The following CREB5 variants were observed in gnomAD, a reference collection of about 807,000 sequenced individuals.
CREB5 encodes cAMP responsive element binding protein 5, also known as cyclic AMP-responsive element-binding protein 5.
In CREB5, 19 loss-of-function variants were observed where a neutral mutation model predicts 57.1. The ratio of observed to expected loss-of-function variants is 0.33; its 90% CI spans 0.23 to 0.49. CREB5 has a LOEUF of 0.49. CREB5 is among the 20% of genes least tolerant of loss of function. The pLI, the probability that CREB5 is intolerant of heterozygous loss-of-function variation, is 0.99. For synonymous variants in CREB5, 238 were observed against 238.3 expected (o/e 1.00, Z 0.01); for missense variants, 579 against 671.6 (o/e 0.86, Z 1.52).
At chr7:28,633,387 G>A (rs575095420) in intron 5 of CREB5, among the ~76,000 whole-genome samples, 1 of 152,188 alleles carries the variant, frequency 6.6e-6, no homozygotes, top group South Asian at 2.1e-4. Flanking sequence ...GTGTGTGTGT[G>A]TGTGTCTGTG....
At chr7:28,799,485 A>G (rs973484280) in intron 7 of CREB5, among the ~76,000 whole-genome samples, 1 of 152,246 alleles carries the variant, frequency 6.6e-6, no homozygotes, top group Non-Finnish European at 1.5e-5. Context: ...TGGCCTTAAC[A>G]GTGCAAGAAT....
At chr7:28,401,388 T>A (rs1787459479) in intron 1 of CREB5, among the ~76,000 whole-genome samples, 1 of 118,108 alleles carries the variant, frequency 8.5e-6, no homozygotes, top group Non-Finnish European at 1.7e-5. Context: ...CTATTGTTAT[T>A]TTTTTTTTAA....
intron 1 of CREB5, among the ~76,000 whole-genome samples, chr7:28,435,950 G>A (rs902992701): frequency 6.6e-6 from 1 of 152,120 alleles, no homozygotes; most frequent in Admixed American, 6.5e-5. Flanking sequence ...AGCGACCTGG[G>A]TGTAACATTT....
intron 1 of CREB5, among the ~76,000 whole-genome samples, chr7:28,454,315 TGC>T: frequency 6.6e-6 from 1 of 152,280 alleles, no homozygotes; most frequent in African/African-American, 2.4e-5. Flanking sequence ...CTGTCCAACA[TGC>T]CCTCCTCTTC....
chr7:28,740,387 G>C (rs1804264544), intron 7 of CREB5, among the ~76,000 whole-genome samples: 1 of 152,234 alleles, frequency 6.6e-6, no homozygotes, highest in African/African-American at 2.4e-5. Context: ...CCTCTGCTGG[G>C]AGTGTCTGCG....
chr7:28,563,571 G>C (rs1300184538), intron 4 of CREB5, among the ~76,000 whole-genome samples: 1 of 152,170 alleles, frequency 6.6e-6, no homozygotes, highest in African/African-American at 2.4e-5. Flanking sequence ...TGTCACCCAG[G>C]CTGGAGTGCA....
intron 4 of CREB5, among the ~76,000 whole-genome samples, chr7:28,545,453 A>G (rs983868541): frequency 5.3e-5 from 8 of 152,110 alleles, no homozygotes; most frequent in African/African-American, 1.9e-4. Flanking sequence ...CTTTTCACCT[A>G]GTTATTACAT....
intron 7 of CREB5, among the ~76,000 whole-genome samples, chr7:28,794,345 T>A (rs1807903134): frequency 6.6e-6 from 1 of 152,222 alleles, no homozygotes; most frequent in Non-Finnish European, 1.5e-5. Context: ...AAGCGTTCTT[T>A]CTATAAAGAA....
At chr7:28,302,705 T>C (rs909803567) in intron 1 of CREB5, among the ~76,000 whole-genome samples, 6 of 152,084 alleles carry the variant, frequency 3.9e-5, no homozygotes, top group African/African-American at 7.2e-5. Flanking sequence ...GCTTTCACCT[T>C]CCATGGAGAG....
At chr7:28,701,965 T>C (rs1391731019) in intron 5 of CREB5, among the ~76,000 whole-genome samples, 1 of 152,250 alleles carries the variant, frequency 6.6e-6, no homozygotes, top group Non-Finnish European at 1.5e-5. Flanking sequence ...AAGTTTGCTG[T>C]AGACAGTCAT....
chr7:28,681,721 T>G (rs1197962587), intron 5 of CREB5, among the ~76,000 whole-genome samples: 1 of 152,102 alleles, frequency 6.6e-6, no homozygotes, highest in Non-Finnish European at 1.5e-5. Context: ...GAGCACAGAG[T>G]AATGGCCACC....
intron 1 of CREB5, among the ~76,000 whole-genome samples, chr7:28,436,978 C>T (rs1020723012): frequency 5.9e-5 from 9 of 152,036 alleles, no homozygotes; most frequent in African/African-American, 2.2e-4. Context: ...CTCTACTTTC[C>T]CCAGGTTTCA....
intron 5 of CREB5, among the ~76,000 whole-genome samples, chr7:28,675,054 T>C (rs1324972552): frequency 6.6e-6 from 1 of 152,252 alleles, no homozygotes; most frequent in African/African-American, 2.4e-5. Flanking sequence ...ACCTCTTCCC[T>C]GTAGCCATAT....
At chr7:28,561,001 TGTGCGTGTGTGTGTGCGTGTGTGC>T (rs1795238402) in intron 4 of CREB5, among the ~76,000 whole-genome samples, 1 of 25,260 alleles carries the variant, frequency 4.0e-5, no homozygotes, top group Non-Finnish European at 9.1e-5. Flanking sequence ...TGTGCCTGCG[TGTGCGTGTGTGTGTGCGTGTGTGC>T]GTGTGTGTGT....
chr7:28,406,358 A>T (rs1787579477), intron 1 of CREB5, among the ~76,000 whole-genome samples: 1 of 152,274 alleles, frequency 6.6e-6, no homozygotes, highest in East Asian at 1.9e-4. Context: ...GGTCTCATCT[A>T]TTCTCATTGG....
Position 28,327,439 on chromosome 7 carries a change from A to G in CREB5, c.-25+27998A>G, listed in dbSNP as rs562986793. ...ATTTAAATATATAGGCCTAACACTC[A>G]TCTGCAATTCAGCGGCATTCCTTGC... On this transcript the variant is annotated intron_variant, in intron 1 of 9. Coordinates refer to the CREB5 transcript ENST00000396299. 4.6e-5 allele frequency among the ~76,000 whole-genome samples: 7 copies of G among 152,340 alleles called. No individual in the cohort carries two copies. In the East Asian group the frequency reaches 1.2e-3, roughly 25 times the overall value.
chr7:28,678,056 C>T (rs1800399822), intron 5 of CREB5, among the ~76,000 whole-genome samples: 1 of 152,182 alleles, frequency 6.6e-6, no homozygotes, highest in African/African-American at 2.4e-5. Flanking sequence ...ATCTATAGAA[C>T]ACCTTGGACA....
chr7:28,554,058 A>G (rs1794771443), intron 4 of CREB5, among the ~76,000 whole-genome samples: 1 of 152,204 alleles, frequency 6.6e-6, no homozygotes. Flanking sequence ...CCAAAGTGAA[A>G]TAATTACCTT....
At chr7:28,380,509 C>T (rs576039397) in intron 1 of CREB5, among the ~76,000 whole-genome samples, 1 of 152,288 alleles carries the variant, frequency 6.6e-6, no homozygotes, top group South Asian at 2.1e-4. Context: ...CATTAAAACA[C>T]AAGTTTTACA....
Sources: allele counts gnomAD v4.1 joint callset (sites outside exome capture counted in the v4.1 genomes callset), GRCh38; gene constraint gnomAD v4.1.1; transcripts MANE v1.5; gene names NCBI Gene and HGNC (gene_info 2026-07-23, HGNC 2026-07-21).